NALCN: variants seen among roughly 807,000 people sequenced by gnomAD.
NALCN encodes the protein sodium leak channel, non-selective.
A neutral mutation model predicts 225.3 loss-of-function variants in NALCN; 111 were observed. The observed-to-expected ratio is 0.49, with a 90% CI of 0.42 to 0.58. The LOEUF is 0.58. Among genes scored for constraint, NALCN ranks in the 20% least tolerant of loss-of-function variants. The pLI is 0.00. For missense variants in NALCN, 1,378 were observed against 2,202.4 expected (o/e 0.63, Z 7.49); for synonymous variants, 764 against 769.0 (o/e 0.99, Z 0.11).
intron 41 of NALCN, 24 bp from the exon 42 acceptor site, chr13:101,059,991 C>G: frequency 6.2e-7 from 1 of 1,612,330 alleles, no homozygotes; most frequent in Admixed American, 1.7e-5. Flanking sequence ...ATTGTTTGTT[C>G]AGTAAAATAA....
intron 6 of NALCN, among the ~76,000 whole-genome samples, chr13:101,350,409 A>C (rs207474319): frequency 6.7e-6 from 1 of 150,296 alleles, no homozygotes. Context: ...CAGCTTAACT[A>C]TCATTTTCTC....
At chr13:101,188,454 G>A (rs567250535) in intron 14 of NALCN, among the ~76,000 whole-genome samples, 6 of 152,036 alleles carry the variant, frequency 3.9e-5, no homozygotes, top group Non-Finnish European at 7.4e-5. Flanking sequence ...CAGTTGACTG[G>A]AGCAGTGCTT....
At chr13:101,063,360 T>C (rs1005871784) in intron 40 of NALCN, among the ~76,000 whole-genome samples, 1 of 152,222 alleles carries the variant, frequency 6.6e-6, no homozygotes, top group African/African-American at 2.4e-5. Flanking sequence ...ATTGCTTTTA[T>C]CTTCACTGTT....
intron 7 of NALCN, among the ~76,000 whole-genome samples, chr13:101,312,874 G>A (rs2044401237): frequency 6.6e-6 from 1 of 152,162 alleles, no homozygotes. Context: ...GCATCACCAA[G>A]TCAATCCTAA....
chr13:101,231,633 A>ACT (rs1486277122), intron 12 of NALCN, among the ~76,000 whole-genome samples: 1 of 152,230 alleles, frequency 6.6e-6, no homozygotes, highest in Non-Finnish European at 1.5e-5. Flanking sequence ...CTTGGCATAA[A>ACT]TGAAATATAG....
intron 10 of NALCN, among the ~76,000 whole-genome samples, chr13:101,268,634 G>A (rs1360757575): frequency 2.6e-5 from 4 of 151,992 alleles, no homozygotes; most frequent in African/African-American, 7.3e-5. Context: ...TAAGCACTAG[G>A]AGCACACAAA....
intron 14 of NALCN, among the ~76,000 whole-genome samples, chr13:101,189,670 CAA>C (rs2039604261): frequency 6.6e-6 from 1 of 152,180 alleles, no homozygotes; most frequent in African/African-American, 2.4e-5. Flanking sequence ...CCACATTTAC[CAA>C]ACTGTTCTCG....
chr13:101,201,633 G>A (rs1471946507), intron 13 of NALCN, among the ~76,000 whole-genome samples: 1 of 151,940 alleles, frequency 6.6e-6, no homozygotes, highest in East Asian at 1.9e-4. Context: ...GTAAACATAT[G>A]TTTTGATAAA....
intron 7 of NALCN, among the ~76,000 whole-genome samples, chr13:101,304,826 G>A: frequency 7.0e-6 from 1 of 143,610 alleles, no homozygotes; most frequent in East Asian, 2.1e-4. Context: ...CTGGATCTCA[G>A]CTCGCTGCAA....
chr13:101,074,015 C>G (rs1370863460), intron 36 of NALCN, among the ~76,000 whole-genome samples: 2 of 151,790 alleles, frequency 1.3e-5, no homozygotes, highest in Non-Finnish European at 1.5e-5. Flanking sequence ...CTTGACATAT[C>G]GGTATATACT....
intron 15 of NALCN, among the ~76,000 whole-genome samples, chr13:101,163,088 A>C (rs1006752882): frequency 6.6e-6 from 1 of 152,098 alleles, no homozygotes; most frequent in Non-Finnish European, 1.5e-5. Flanking sequence ...TTTTTAGTAG[A>C]GATAGGGTTT....
At chr13:101,126,446 C>T (rs1375677594) in intron 17 of NALCN, among the ~76,000 whole-genome samples, 1 of 151,778 alleles carries the variant, frequency 6.6e-6, no homozygotes, top group East Asian at 1.9e-4. Flanking sequence ...AATGATAAAT[C>T]TTGAAACTTT....
At chr13:101,151,554 AC>A (rs1443950474) in intron 15 of NALCN, among the ~76,000 whole-genome samples, 1 of 152,188 alleles carries the variant, frequency 6.6e-6, no homozygotes, top group Non-Finnish European at 1.5e-5. Flanking sequence ...AGGAAAAATA[AC>A]CACATTATCT....
chr13:101,058,052 C>G lies in NALCN; in HGVS notation c.4910G>C (p.Ser1637Thr). ...GGGGCTCAGGAGCTGCTGCTGGCTG[C>G]TTGTCTGCATGGGAGGAGAAGCACA... ...SQDNSMQPET[S>T]SQQQLLSPTL... Residue 1637 changes from serine to threonine, a missense_variant, in exon 43 of 44, where the codon AGC becomes ACC. By Grantham distance (58) the Ser-to-Thr change is moderately conservative (BLOSUM62 1). Coordinates refer to ENST00000251127, the MANE Select transcript of NALCN (RefSeq NM_052867.4). The G allele has an allele frequency of 6.2e-7, 1 of 1,612,224 alleles. No individual in the cohort carries two copies. The highest frequency in any genetic ancestry group is 8.5e-7 in the Non-Finnish European group (1 of 1,179,766).
At chr13:101,328,972 G>A (rs2045063501) in intron 7 of NALCN, among the ~76,000 whole-genome samples, 1 of 152,112 alleles carries the variant, frequency 6.6e-6, no homozygotes, top group Non-Finnish European at 1.5e-5. Context: ...CCTAAGAGCT[G>A]CTTCTGTTCT....
intron 10 of NALCN, among the ~76,000 whole-genome samples, chr13:101,275,978 CGCTTGAACCTGGGAGGT>C (rs2042956641): frequency 6.9e-6 from 1 of 144,412 alleles, no homozygotes; most frequent in African/African-American, 2.5e-5. Context: ...GCAGGAGAAT[CGCTTGAACCTGGGAGGT>C]AGAGGTTGCA....
At chr13:101,139,424 T>C (rs1011091142) in intron 17 of NALCN, among the ~76,000 whole-genome samples, 1 of 152,192 alleles carries the variant, frequency 6.6e-6, no homozygotes, top group South Asian at 2.1e-4. Context: ...CCCTCTAGCA[T>C]AGTGAAGTCA....
chr13:101,381,949 A>G (rs926234009), intron 3 of NALCN, among the ~76,000 whole-genome samples: 1 of 152,132 alleles, frequency 6.6e-6, no homozygotes, highest in Non-Finnish European at 1.5e-5. Flanking sequence ...AAAAACGAAA[A>G]CTGAAATTTT....
At chr13:101,379,012 C>T (rs61973719) in intron 3 of NALCN, among the ~76,000 whole-genome samples, 34,673 of 151,796 alleles carry the variant, frequency 0.23, 4,117 homozygotes, top group Non-Finnish European at 0.27. Context: ...CAAGAGTGCA[C>T]TGTGGTCAAC....
Sources: allele counts gnomAD v4.1 joint callset (sites outside exome capture counted in the v4.1 genomes callset), GRCh38; gene constraint gnomAD v4.1.1; transcripts MANE v1.5; gene names NCBI Gene and HGNC (gene_info 2026-07-23, HGNC 2026-07-21).